NRP2: variants seen among roughly 807,000 people sequenced by gnomAD.
NRP2 encodes the protein neuropilin 2, also known as neuropilin-2.
A neutral mutation model predicts 110.4 loss-of-function variants in NRP2; 52 were observed. That is an observed-to-expected ratio of 0.47 (90% CI 0.38 to 0.59). NRP2 has a LOEUF of 0.59. Among genes scored for constraint, NRP2 ranks in the 20% least tolerant of loss-of-function variants. The probability of loss-of-function intolerance (pLI) is 0.00; values close to 1 mark genes in which losing one functional copy is unlikely to be tolerated. For missense variants in NRP2, 1,049 were observed against 1,203.0 expected (o/e 0.87, Z 1.89); for synonymous variants, 508 against 468.9 (o/e 1.08, Z -1.08).
At chr2:205,693,537 T>C (rs962740290) in intron 1 of NRP2, among the ~76,000 whole-genome samples, 7 of 151,862 alleles carry the variant, frequency 4.6e-5, no homozygotes, top group South Asian at 2.1e-4. Flanking sequence ...AAAAAAAAAG[T>C]ACTTCAAAAA....
chr2:205,693,575 C>T (rs1222586344), intron 1 of NRP2, among the ~76,000 whole-genome samples: 2 of 152,124 alleles, frequency 1.3e-5, no homozygotes, highest in Non-Finnish European at 2.9e-5. Flanking sequence ...AGCTACACAC[C>T]TAATTCAGTC....
At chr2:205,746,104 G>T (rs905367716) in intron 10 of NRP2, among the ~76,000 whole-genome samples, 5 of 152,116 alleles carry the variant, frequency 3.3e-5, no homozygotes, top group African/African-American at 4.8e-5. Flanking sequence ...TTTTTTAAGG[G>T]ATCATTTCAG....
In NRP2 at chr2:205,723,874, G is replaced by A; in HGVS notation, c.754G>A (p.Asp252Asn). The A allele has an allele frequency of 6.2e-7, 1 of 1,614,194 alleles. No individual in the cohort carries two copies. The highest frequency in any genetic ancestry group is 8.5e-7 in the Non-Finnish European group (1 of 1,180,026). ...TGILSLTFHT[D>N]MAVAKDGFSA... is the part of the protein sequence containing the mutation. Reference sequence around the variant, plus strand: ...GATCCTCTCCCTGACCTTTCACACGGACATGGCGGTGGCCAAGGATGGCTT... The same window carrying A: ...GATCCTCTCCCTGACCTTTCACACGAACATGGCGGTGGCCAAGGATGGCTT... The change falls in exon 5 of 17, where the codon GAC (aspartate) becomes AAC (asparagine). Residue 252 changes from aspartate to asparagine, a missense_variant. Transcript: ENST00000357785.
chr2:205,761,472 A>G (rs1418455144), intron 12 of NRP2: 3 of 152,358 alleles, frequency 2.0e-5, no homozygotes, highest in African/African-American at 7.2e-5. Context: ...TCCTTTTAAA[A>G]ACATAAAATC....
Position 205,697,538 on chromosome 2 carries a change from T to C in NRP2, c.74-6T>C. The C allele has an allele frequency of 2.5e-6, 4 of 1,613,728 alleles. No homozygotes were observed. The highest frequency in any genetic ancestry group is 3.4e-6 in the Non-Finnish European group (4 of 1,179,708). On this transcript the variant is annotated splice_region_variant and splice_polypyrimidine_tract_variant and intron_variant, in intron 1 of 16. Coordinates refer to ENST00000357785, the MANE Select transcript of NRP2 (RefSeq NM_003872.3). ...AAGTTCTTTGGGTCGTTGATTTCTC[T>C]TTCAGACCCACCGTGCGGAGGTCGT...
At position 205,725,085 on chromosome 2, in the gene NRP2, A is replaced by G. The variant is rs906762011; in HGVS notation, c.821-828A>G. Reference sequence around the variant, plus strand: ...CTACAGACACGGCAGCCTGGCCTGCAGGAAGGTTGCTGGGTTTTGCATTTG... The same window carrying G: ...CTACAGACACGGCAGCCTGGCCTGCGGGAAGGTTGCTGGGTTTTGCATTTG... On this transcript the variant is annotated intron_variant, in intron 5 of 16. Coordinates refer to ENST00000357785, the MANE Select transcript of NRP2 (RefSeq NM_003872.3). The surrounding 1 kb of genome is among the most constrained non-coding windows in gnomAD (Gnocchi z 4.1). 6.6e-6 allele frequency among the ~76,000 whole-genome samples: 1 copy of G among 152,236 alleles called. No homozygotes were observed. The highest frequency in any genetic ancestry group is 2.4e-5 in the African/African-American group (1 of 41,462).
At position 205,769,140 on chromosome 2, in the gene NRP2, C is replaced by T. The variant is rs932386122; in HGVS notation, c.2425+2337C>T. Reference sequence around the variant, plus strand: ...GATCCGGGCATAAAATCAGCCTTTTCACTCAAAAAATGGAAACAGAGAAAT... The same window carrying T: ...GATCCGGGCATAAAATCAGCCTTTTTACTCAAAAAATGGAAACAGAGAAAT... On this transcript the variant is annotated intron_variant, in intron 15 of 16. Transcript: ENST00000357785. 2.6e-5 allele frequency among the ~76,000 whole-genome samples: 4 copies of T among 152,258 alleles called. No homozygotes were observed. The East Asian group carries it at 7.7e-4, about 29-fold the overall frequency.
intron 15 of NRP2, among the ~76,000 whole-genome samples, chr2:205,779,999 C>G (rs752021919): frequency 6.6e-6 from 1 of 152,174 alleles, no homozygotes; most frequent in Non-Finnish European, 1.5e-5. Flanking sequence ...TGAGATTCCA[C>G]GAAATTTCTC....
At chr2:205,734,582 C>T (rs1033390521) in intron 7 of NRP2, among the ~76,000 whole-genome samples, 1 of 152,134 alleles carries the variant, frequency 6.6e-6, no homozygotes, top group African/African-American at 2.4e-5. Flanking sequence ...GATCTGCAGT[C>T]AGGGTGAGCG....
rs150629453 is a variant in NRP2, at chr2:205,752,876, G to A, written c.1945G>A (p.Asp649Asn). 46 of 1,614,184 alleles carry A rather than the reference G, an allele frequency of 2.8e-5. No homozygotes were observed. Among genetic ancestry groups the A allele is most frequent in the Non-Finnish European group, 3.4e-5 (40 of 1,180,024 alleles). The change falls in exon 12 of 17, where the codon GAT (aspartate) becomes AAT (asparagine). Residue 649 changes from aspartate to asparagine, a missense_variant. By Grantham distance (23) the Asp-to-Asn change is conservative (BLOSUM62 1). Transcript: ENST00000357785. ...CCCTTCGGGATTCAATTGCAACTTC[G>A]ATTTCCTCGAGGAGCCCTGTGGTTG... ...QLPSGFNCNF[D>N]FLEEPCGWMY...
intron 10 of NRP2, 66 bp downstream of exon 10, chr2:205,745,956 G>A: frequency 6.3e-7 from 1 of 1,582,786 alleles, no homozygotes; most frequent in Non-Finnish European, 8.7e-7. Context: ...CATCCCACGA[G>A]GCCCTGGGAG....
chr2:205,766,868 T>C, intron 15 of NRP2, 65 bp downstream of exon 15: 1 of 1,415,394 alleles, frequency 7.1e-7, no homozygotes, highest in South Asian at 1.2e-5. Flanking sequence ...CCATGTGATG[T>C]GAATTTGATG....
Position 205,743,512 on chromosome 2 carries a change from A to C in NRP2, c.1601A>C (p.Asp534Ala). Residue 534 changes from aspartate (D) to alanine (A), a missense_variant, in exon 9 of 17, where the codon GAC becomes GCC. By Grantham distance (126) the Asp-to-Ala change is moderately radical. Transcript: ENST00000357785. ...GTCTCCTACAGCCTAAACGGCAAGG[A>C]CTGGGAATACATTCAGGACCCCAGG... The part of the protein sequence containing the change: ...FKVSYSLNGK[D>A]WEYIQDPRTQ... 1 of 1,614,184 alleles carries C rather than the reference A, an allele frequency of 6.2e-7. No individual in the cohort carries two copies. The highest frequency in any genetic ancestry group is 8.5e-7 in the Non-Finnish European group (1 of 1,180,032).
intron 12 of NRP2, among the ~76,000 whole-genome samples, chr2:205,758,327 A>G (rs2057766335): frequency 6.6e-6 from 1 of 152,222 alleles, no homozygotes; most frequent in Admixed American, 6.5e-5. Flanking sequence ...CGTGTTGGAC[A>G]GATGGTGTGT....
intron 2 of NRP2, among the ~76,000 whole-genome samples, chr2:205,709,227 AC>A (rs1275691393): frequency 1.3e-5 from 2 of 152,086 alleles, no homozygotes; most frequent in African/African-American, 4.8e-5. Context: ...TTTTTTAGAA[AC>A]CCAGCCCCAA....
intron 15 of NRP2, chr2:205,767,066 C>G (rs910098086): frequency 1.1e-5 from 6 of 554,062 alleles, no homozygotes; most frequent in Non-Finnish European, 1.6e-5. Flanking sequence ...AACCTTTCAG[C>G]CTTGCATTGT....
intron 15 of NRP2, chr2:205,778,315 T>C (rs1342288542): frequency 1.3e-5 from 2 of 152,026 alleles, no homozygotes. Context: ...AACTTTCTCA[T>C]CTGGTTCGTT....
chr2:205,733,595 A>T (rs374451303), intron 7 of NRP2, among the ~76,000 whole-genome samples: 15 of 151,972 alleles, frequency 9.9e-5, no homozygotes, highest in Middle Eastern at 3.4e-3. Flanking sequence ...ATCTCTCCCC[A>T]CCTGGGAGTT....
intron 1 of NRP2, among the ~76,000 whole-genome samples, chr2:205,689,880 A>G (rs2056268636): frequency 6.6e-6 from 1 of 152,242 alleles, no homozygotes; most frequent in Non-Finnish European, 1.5e-5. Flanking sequence ...AAAAGTCATC[A>G]TAAAGACAAA....
Sources: allele counts gnomAD v4.1 joint callset (sites outside exome capture counted in the v4.1 genomes callset), GRCh38; gene constraint gnomAD v4.1.1; non-coding constraint Gnocchi (gnomAD v3.1); transcripts MANE v1.5; gene names NCBI Gene and HGNC (gene_info 2026-07-23, HGNC 2026-07-21).